The following NLGN1 variants were observed in gnomAD, a reference collection of about 807,000 sequenced individuals.
NLGN1 encodes neuroligin 1.
NLGN1 carries 12 observed loss-of-function variants against 65.5 expected under a neutral mutation model. That is an observed-to-expected ratio of 0.18 (90% CI 0.12 to 0.30). The LOEUF (loss-of-function observed/expected upper bound fraction) is 0.30. Among genes scored for constraint, NLGN1 ranks in the 10% least tolerant of loss-of-function variants. The pLI, the probability that NLGN1 is intolerant of heterozygous loss-of-function variation, is 1.00. For synonymous variants in NLGN1, 350 were observed against 359.5 expected (o/e 0.97, Z 0.30); for missense variants, 750 against 1,007.1 (o/e 0.74, Z 3.46).
chr3:173,783,771 T>C (rs1037613261), intron 3 of NLGN1, among the ~76,000 whole-genome samples: 1 of 152,142 alleles, frequency 6.6e-6, no homozygotes, highest in Admixed American at 6.5e-5. Context: ...TCCATGACCA[T>C]GCCAGGCTAA....
At chr3:174,139,304 C>G (rs1561136391) in intron 4 of NLGN1, among the ~76,000 whole-genome samples, 1 of 151,956 alleles carries the variant, frequency 6.6e-6, no homozygotes, top group African/African-American at 2.4e-5. Flanking sequence ...AATCACTGAC[C>G]TTTTTACTGT....
chr3:173,879,863 A>T (rs371484208), intron 4 of NLGN1, among the ~76,000 whole-genome samples: 17 of 152,182 alleles, frequency 1.1e-4, no homozygotes, highest in African/African-American at 4.1e-4. Flanking sequence ...CTTAGCCATG[A>T]TGAGAAACAA....
intron 3 of NLGN1, among the ~76,000 whole-genome samples, chr3:173,662,922 C>T (rs1432081964): frequency 6.6e-6 from 1 of 151,976 alleles, no homozygotes; most frequent in Admixed American, 6.6e-5. Context: ...TAACTATGCA[C>T]ATTAAAGTAC....
intron 4 of NLGN1, among the ~76,000 whole-genome samples, chr3:173,968,687 C>CTTTTTTTTTTTT (rs34662762): frequency 8.4e-5 from 5 of 59,474 alleles, no homozygotes; most frequent in African/African-American, 3.6e-4. Context: ...TGAAAATAAT[C>CTTTTTTTTTTTT]TTTTTTTTTT....
intron 4 of NLGN1, among the ~76,000 whole-genome samples, chr3:174,070,414 C>G (rs1739571792): frequency 6.6e-6 from 1 of 151,948 alleles, no homozygotes; most frequent in South Asian, 2.1e-4. Flanking sequence ...TCACTGCAAC[C>G]TCTGCTTCCT....
chr3:173,688,624 A>G (rs76443285), intron 3 of NLGN1, among the ~76,000 whole-genome samples: 4,298 of 152,326 alleles, frequency 0.028, 90 homozygotes, highest in Middle Eastern at 0.044. Flanking sequence ...ACACTACGTT[A>G]TTAAAGATAC....
chr3:173,599,275 T>C (rs1750042566), intron 2 of NLGN1, among the ~76,000 whole-genome samples: 2 of 152,152 alleles, frequency 1.3e-5, no homozygotes, highest in African/African-American at 4.8e-5. Flanking sequence ...TTTATATACA[T>C]TGGACAGCTT....
At chr3:173,880,156 C>T (rs1732938394) in intron 4 of NLGN1, among the ~76,000 whole-genome samples, 2 of 152,044 alleles carry the variant, frequency 1.3e-5, no homozygotes. Flanking sequence ...TTAAAGTGAG[C>T]TACAGAAGTT....
intron 3 of NLGN1, among the ~76,000 whole-genome samples, chr3:173,608,588 A>G (rs993425501): frequency 7.9e-5 from 12 of 151,896 alleles, no homozygotes; most frequent in Admixed American, 2.0e-4. Context: ...AGACTCTGAA[A>G]AGTTAGGTAT....
At chr3:174,282,911 T>A (rs529632922) in exon 7 of NLGN1, 1 of 151,980 alleles carries the variant, frequency 6.6e-6, no homozygotes, top group Non-Finnish European at 1.5e-5. Flanking sequence ...GAAACCTTTC[T>A]TTTCAGTTAC....
At chr3:174,099,322 A>T (rs1160079879) in intron 4 of NLGN1, among the ~76,000 whole-genome samples, 2 of 152,260 alleles carry the variant, frequency 1.3e-5, no homozygotes, top group African/African-American at 4.8e-5. Flanking sequence ...AGACTTTTTT[A>T]AAATTGCAAT....
intron 2 of NLGN1, among the ~76,000 whole-genome samples, chr3:173,593,743 A>G (rs566633530): frequency 9.2e-5 from 14 of 152,302 alleles, no homozygotes; most frequent in African/African-American, 3.1e-4. Context: ...TGCTGCTGAT[A>G]AAGACACACC....
chr3:174,063,735 A>G (rs1737889977), intron 4 of NLGN1, among the ~76,000 whole-genome samples: 1 of 152,162 alleles, frequency 6.6e-6, no homozygotes, highest in South Asian at 2.1e-4. Flanking sequence ...AGAGAGAAAA[A>G]GGATGTTGTA....
intron 4 of NLGN1, among the ~76,000 whole-genome samples, chr3:174,019,747 T>A (rs2152456240): frequency 6.6e-6 from 1 of 152,286 alleles, no homozygotes; most frequent in African/African-American, 2.4e-5. Context: ...AGAATGGGAA[T>A]GGTTACTTTT....
At chr3:174,099,414 T>G (rs1333215632) in intron 4 of NLGN1, among the ~76,000 whole-genome samples, 1 of 152,218 alleles carries the variant, frequency 6.6e-6, no homozygotes, top group Non-Finnish European at 1.5e-5. Context: ...TTAAGATATG[T>G]GTGGTCAATT....
chr3:174,077,728 G>A (rs977304869), intron 4 of NLGN1, among the ~76,000 whole-genome samples: 1 of 151,974 alleles, frequency 6.6e-6, no homozygotes, highest in Admixed American at 6.6e-5. Flanking sequence ...GCCAATTTTT[G>A]TATTTTTAGT....
intron 4 of NLGN1, among the ~76,000 whole-genome samples, chr3:174,189,284 A>C (rs73880396): frequency 0.012 from 1,772 of 152,110 alleles, 38 homozygotes; most frequent in African/African-American, 0.04. Flanking sequence ...CCCTCAGATG[A>C]GAGAAATAAA....
intron 3 of NLGN1, among the ~76,000 whole-genome samples, chr3:173,637,606 A>G (rs1316149230): frequency 2.0e-5 from 3 of 152,174 alleles, no homozygotes; most frequent in Non-Finnish European, 4.4e-5. Context: ...TTCCACAGGC[A>G]TTATTTTACA....
At chr3:174,050,986 T>C (rs948090964) in intron 4 of NLGN1, among the ~76,000 whole-genome samples, 2 of 152,140 alleles carry the variant, frequency 1.3e-5, no homozygotes, top group African/African-American at 2.4e-5. Context: ...TTTGGAATTA[T>C]ACAATCAGCA....
Sources: gnomAD v4.1 joint callset for allele counts (sites outside exome capture counted in the v4.1 genomes callset) on GRCh38, gnomAD v4.1.1 for gene constraint, MANE v1.5 for transcripts, NCBI Gene and HGNC (gene_info 2026-07-23, HGNC 2026-07-21) for gene names.